Variants in NT5C3A observed in about 807,000 individuals in gnomAD.
The protein encoded by NT5C3A is cytosolic 5'-nucleotidase 3A.
In NT5C3A, 23 loss-of-function variants were observed where a neutral mutation model predicts 40.0. That is an observed-to-expected ratio of 0.58 (90% CI 0.41 to 0.81). NT5C3A has a LOEUF of 0.81. Among genes scored for constraint, NT5C3A ranks in the 40% least tolerant of loss-of-function variants. The pLI, the probability that NT5C3A is intolerant of heterozygous loss-of-function variation, is 0.00. For missense variants in NT5C3A, 328 were observed against 403.0 expected, an observed-to-expected ratio of 0.81 and a Z score of 1.59; for synonymous variants, 130 against 141.4, an observed-to-expected ratio of 0.92 and a Z score of 0.57.
chr7:33,019,530 T>C, intron 6 of NT5C3A, 105 bp downstream of exon 6: 1 of 749,710 alleles, frequency 1.3e-6, no homozygotes, highest in Non-Finnish European at 2.4e-6. Context: ...GATATGGTTA[T>C]ATAAGGAATA....
intron 1 of NT5C3A, among the ~76,000 whole-genome samples, chr7:33,035,245 G>A (rs1210238812): frequency 7.0e-6 from 1 of 143,462 alleles, no homozygotes; most frequent in Middle Eastern, 3.5e-3. Context: ...CCAGGCTGGA[G>A]TGCAGTGGCG....
chr7:33,023,229 A>G (rs1270404385), intron 3 of NT5C3A, among the ~76,000 whole-genome samples: 1 of 151,882 alleles, frequency 6.6e-6, no homozygotes, highest in African/African-American at 2.4e-5. Context: ...GCATTTTTTT[A>G]ATACAAGTTA....
At chr7:33,032,255 C>A (rs1449460758) in intron 1 of NT5C3A, among the ~76,000 whole-genome samples, 1 of 151,388 alleles carries the variant, frequency 6.6e-6, no homozygotes, top group Admixed American at 6.6e-5. Flanking sequence ...GAAACCCCAT[C>A]TCTACTAAAT....
intron 2 of NT5C3A, among the ~76,000 whole-genome samples, 166 bp from the exon 3 acceptor site, chr7:33,024,274 C>A (rs1000654849): frequency 3.9e-5 from 6 of 152,182 alleles, no homozygotes; most frequent in African/African-American, 1.4e-4. Context: ...TTTTCTCATG[C>A]GGTTCCTTTA....
chr7:33,044,757 A>G (rs1787081013), intron 1 of NT5C3A, among the ~76,000 whole-genome samples: 1 of 152,258 alleles, frequency 6.6e-6, no homozygotes, highest in South Asian at 2.1e-4. Flanking sequence ...TCAACTTGAA[A>G]AACTAAAAAT....
chr7:33,023,311 C>G (rs910795661), intron 3 of NT5C3A, among the ~76,000 whole-genome samples: 3 of 151,928 alleles, frequency 2.0e-5, no homozygotes, highest in Admixed American at 2.0e-4. Flanking sequence ...CAGGCTGGAG[C>G]GCAGTTGTGC....
intron 8 of NT5C3A, among the ~76,000 whole-genome samples, chr7:33,015,324 T>C (rs888142326): frequency 1.1e-4 from 16 of 152,120 alleles, no homozygotes; most frequent in African/African-American, 2.7e-4. Flanking sequence ...CCCAAGCACT[T>C]TGAGAGGCCT....
chr7:33,062,072 T>C (rs774202068), intron 1 of NT5C3A, among the ~76,000 whole-genome samples: 8 of 152,218 alleles, frequency 5.3e-5, no homozygotes, highest in Non-Finnish European at 1.2e-4. Flanking sequence ...ATTTTAGATA[T>C]TGCACATTTT....
At chr7:33,036,942 G>T (rs1415344096) in intron 1 of NT5C3A, among the ~76,000 whole-genome samples, 2 of 152,080 alleles carry the variant, frequency 1.3e-5, no homozygotes, top group Non-Finnish European at 2.9e-5. Context: ...CTCCCAAGTA[G>T]CTGGGATTAC....
chr7:33,056,473 C>CAAAAAAAAA lies in NT5C3A; in HGVS notation c.138+6086_138+6094dup, dbSNP rs70989927. ...GCAAATAGTGAGACCCCGTCTCTACCAAAAAAAAAAAAAAAAAAAAAAAAA... is the reference window on the plus strand; with the variant it reads ...GCAAATAGTGAGACCCCGTCTCTACCAAAAAAAAAAAAAAAAAAAAAAAAAAAAAAAAAA... On this transcript the variant is annotated intron_variant, in intron 1 of 8. Transcript: ENST00000610140. Among the ~76,000 whole-genome samples, 40 of 43,720 alleles carry CAAAAAAAAA rather than the reference C, an allele frequency of 9.1e-4. 3 individuals carry two copies. The highest frequency in any genetic ancestry group is 1.2e-3 in the Non-Finnish European group (30 of 24,628). 28.7% of individuals were successfully genotyped at this position (43,720 alleles called of 152,430 possible).
chr7:33,028,156 G>C (rs1483565935), intron 1 of NT5C3A, among the ~76,000 whole-genome samples: 1 of 152,174 alleles, frequency 6.6e-6, no homozygotes, highest in African/African-American at 2.4e-5. Context: ...CTGCCAAAAA[G>C]TATTGTGCCA....
chr7:33,043,690 AGAG>A (rs1351586239), intron 1 of NT5C3A, among the ~76,000 whole-genome samples: 1 of 152,194 alleles, frequency 6.6e-6, no homozygotes, highest in Non-Finnish European at 1.5e-5. Context: ...TAAGGAGAAC[AGAG>A]AAGAGAGGGA....
At chr7:33,025,861 C>T (rs1461121716) in intron 2 of NT5C3A, among the ~76,000 whole-genome samples, 1 of 152,108 alleles carries the variant, frequency 6.6e-6, no homozygotes, top group African/African-American at 2.4e-5. Context: ...TTTTATCAAA[C>T]AGGAGATGAA....
chr7:33,014,915 T>G, intron 8 of NT5C3A, 84 bp from the exon 9 acceptor site: 2 of 1,135,290 alleles, frequency 1.8e-6, no homozygotes. Context: ...GTTAGATCTC[T>G]TGGGCAAAAT....
intron 7 of NT5C3A, among the ~76,000 whole-genome samples, chr7:33,016,193 T>C (rs1034968476): frequency 6.6e-6 from 1 of 151,514 alleles, no homozygotes; most frequent in African/African-American, 2.4e-5. Flanking sequence ...CTGGCCAATA[T>C]GGTGCAACCC....
chr7:33,016,588 T>G (rs1785341127), intron 7 of NT5C3A, among the ~76,000 whole-genome samples: 1 of 148,320 alleles, frequency 6.7e-6, no homozygotes, highest in Non-Finnish European at 1.5e-5. Flanking sequence ...GAGAATTGCT[T>G]GAACCTGGGA....
At chr7:33,033,930 C>T (rs1243083071) in intron 1 of NT5C3A, among the ~76,000 whole-genome samples, 4 of 147,294 alleles carry the variant, frequency 2.7e-5, no homozygotes, top group African/African-American at 1.0e-4. Context: ...CTCGCATTGT[C>T]GCCCAGATTG....
In NT5C3A at chr7:33,033,492, G is replaced by C. The variant is rs562197227; in HGVS notation, c.139-6577C>G. 6.6e-5 allele frequency among the ~76,000 whole-genome samples: 10 copies of C among 152,216 alleles called. No individual in the cohort carries two copies. The South Asian group carries it at 2.1e-3, about 32-fold the overall frequency. ...GACAGTGTGTGAAGCCGCTCTGTAAGAGATATATAAAATATAAATCTTACA... is the reference window on the plus strand; with the variant it reads ...GACAGTGTGTGAAGCCGCTCTGTAACAGATATATAAAATATAAATCTTACA... On this transcript the variant is annotated intron_variant, in intron 1 of 8. Transcript: ENST00000610140.
At chr7:33,021,140 T>C (rs1785603695) in intron 5 of NT5C3A, 132 bp downstream of exon 5, 1 of 1,182,312 alleles carries the variant, frequency 8.5e-7, no homozygotes, top group African/African-American at 1.6e-5. Flanking sequence ...CATTTTGTTA[T>C]TCAATGCTCT....
Sources: gnomAD v4.1 joint callset for allele counts (sites outside exome capture counted in the v4.1 genomes callset) on GRCh38, gnomAD v4.1.1 for gene constraint, MANE v1.5 for transcripts, NCBI Gene and HGNC (gene_info 2026-07-23, HGNC 2026-07-21) for gene names.